DCAF11: variants seen among roughly 807,000 people sequenced by gnomAD.
The protein encoded by DCAF11 is DDB1- and CUL4-associated factor 11.
DCAF11 carries 44 observed loss-of-function variants against 76.1 expected under a neutral mutation model. The ratio of observed to expected loss-of-function variants is 0.58; its 90% CI spans 0.45 to 0.74. The LOEUF (loss-of-function observed/expected upper bound fraction) is 0.74. Ranked by LOEUF, DCAF11 falls within the 30% of genes least tolerant of loss-of-function variation. The pLI, the probability that DCAF11 is intolerant of heterozygous loss-of-function variation, is 0.00. For missense variants in DCAF11, 604 were observed against 709.4 expected (o/e 0.85, Z 1.69); for synonymous variants, 258 against 255.0 (o/e 1.01, Z -0.11).
At chr14:24,120,100 C>T (rs773016715) in intron 11 of DCAF11, among the ~76,000 whole-genome samples, 7 of 152,120 alleles carry the variant, frequency 4.6e-5, no homozygotes, top group Non-Finnish European at 7.4e-5. Context: ...CAGGGCTTTC[C>T]GTACAAGAAA....
intron 13 of DCAF11, among the ~76,000 whole-genome samples, chr14:24,122,691 C>T (rs543499568): frequency 6.6e-6 from 1 of 152,272 alleles, no homozygotes; most frequent in South Asian, 2.1e-4. Context: ...CCATATCTTA[C>T]TAAAATCTTC....
chr14:24,122,735 T>C (rs1261836264), intron 13 of DCAF11, among the ~76,000 whole-genome samples: 1 of 152,106 alleles, frequency 6.6e-6, no homozygotes, highest in Non-Finnish European at 1.5e-5. Context: ...GTAGCCCCTA[T>C]GAAATTTAGC....
intron 11 of DCAF11, 89 bp downstream of exon 11, chr14:24,119,985 C>G (rs966285576): frequency 2.8e-6 from 4 of 1,427,954 alleles, no homozygotes; most frequent in African/African-American, 2.9e-5. Flanking sequence ...GGGAATTTGA[C>G]AAGCTCCTTA....
chr14:24,117,056 A>G lies in DCAF11; in HGVS notation c.283+12A>G. The stretch of plus-strand genomic sequence containing the variant: ...ATACAACCCACCTGGTAAGAGGAAA[A>G]GCCCCTAATGTTGGAAGACTTTTAC... On this transcript the variant is annotated intron_variant, in intron 3 of 14. Coordinates refer to ENST00000446197, the MANE Select transcript of DCAF11 (RefSeq NM_025230.5). This position sits in a 1 kb window ranked among gnomAD's most constrained non-coding sequence, Gnocchi z 4.3. 2 of 1,614,208 alleles carry G rather than the reference A, an allele frequency of 1.2e-6. No homozygotes were observed. Among genetic ancestry groups the G allele is most frequent in the South Asian group, 2.2e-5 (2 of 91,072 alleles).
intron 5 of DCAF11, 33 bp from the exon 6 acceptor site, chr14:24,118,022 C>T: frequency 7.2e-7 from 1 of 1,389,958 alleles, no homozygotes; most frequent in Non-Finnish European, 1.0e-6. Flanking sequence ...ATCCTGAGCA[C>T]CCCTCACCCT....
chr14:24,115,443 C>T lies in DCAF11; in HGVS notation c.-152C>T. The stretch of plus-strand genomic sequence containing the variant: ...TTGGCATAGGCTAAAGAAAAGGGAT[C>T]TCAGCCCCGAGGAAGGGTCACCCTC... On this transcript the variant is annotated 5_prime_UTR_variant, in exon 2 of 15. Coordinates refer to ENST00000446197, the MANE Select transcript of DCAF11 (RefSeq NM_025230.5). 1 of 1,125,460 alleles carries T rather than the reference C, an allele frequency of 8.9e-7. No individual in the cohort carries two copies. The highest frequency in any genetic ancestry group is 2.6e-5 in the East Asian group (1 of 38,484). The allele number at this position is 1,125,460 out of a possible 1,614,324, so 69.7% of individuals were successfully genotyped here.
At chr14:24,121,311 A>G in intron 12 of DCAF11, 54 bp from the exon 13 acceptor site, 1 of 1,609,238 alleles carries the variant, frequency 6.2e-7, no homozygotes. Context: ...GGTGGTACGA[A>G]ACAATCCCAA....
intron 11 of DCAF11, among the ~76,000 whole-genome samples, chr14:24,120,580 A>C (rs1366795975): frequency 6.6e-6 from 1 of 152,218 alleles, no homozygotes; most frequent in Non-Finnish European, 1.5e-5. Context: ...TTAATTAAAA[A>C]TTAAAAAAAG....
chr14:24,115,062 T>C lies in DCAF11; in HGVS notation c.-445T>C. On this transcript the variant is annotated 5_prime_UTR_variant, in exon 1 of 15. Coordinates refer to ENST00000446197, the MANE Select transcript of DCAF11 (RefSeq NM_025230.5). Reference sequence around the variant, plus strand: ...GAAGGAGGGGTGTTAGGCCAAATTCTATTTTCATTGGCTGTCACTGCTGCC... The same window carrying C: ...GAAGGAGGGGTGTTAGGCCAAATTCCATTTTCATTGGCTGTCACTGCTGCC... The C allele has an allele frequency of 1.0e-6, 1 of 975,426 alleles. No homozygotes were observed. Among genetic ancestry groups the C allele is most frequent in the Non-Finnish European group, 1.2e-6 (1 of 820,408 alleles). The allele number at this position is 975,426 out of a possible 1,614,324, so 60.4% of individuals were successfully genotyped here. A position where few individuals can be genotyped will look rare whatever the true frequency, so the allele number is the denominator to read the frequency against.
At chr14:24,116,808 A>G in intron 2 of DCAF11, 109 bp from the exon 3 acceptor site, 5 of 1,516,160 alleles carry the variant, frequency 3.3e-6, no homozygotes, top group South Asian at 1.2e-5. Flanking sequence ...GTCAGCCTCA[A>G]ACCTCAAAAT....
Position 24,117,308 on chromosome 14 carries a change from T to C in DCAF11, c.326T>C (p.Ile109Thr). ...PDTRELEFNE[I>T]KTQVELATGQ... Reference sequence around the variant, plus strand: ...ACCCGGGAGCTGGAATTCAATGAGATCAAGACACAAGTGGAACTGGCCACA... The same window carrying C: ...ACCCGGGAGCTGGAATTCAATGAGACCAAGACACAAGTGGAACTGGCCACA... Residue 109 changes from isoleucine (I) to threonine (T), a missense_variant, in exon 4 of 15, where the codon ATC becomes ACC. Ile to Thr is a moderately conservative substitution (Grantham distance 89). Coordinates refer to ENST00000446197, the MANE Select transcript of DCAF11 (RefSeq NM_025230.5). The surrounding 1 kb of genome is among the most constrained non-coding windows in gnomAD (Gnocchi z 4.3). 6.2e-7 allele frequency: 1 copy of C among 1,614,128 alleles called. No individual in the cohort carries two copies. The highest frequency in any genetic ancestry group is 8.5e-7 in the Non-Finnish European group (1 of 1,180,024).
chr14:24,122,921 G>A (rs752390177), intron 13 of DCAF11, 50 bp from the exon 14 acceptor site: 3 of 1,559,020 alleles, frequency 1.9e-6, no homozygotes, highest in South Asian at 1.2e-5. Context: ...GTGAGGGATA[G>A]TTTAGATGTC....
At position 24,117,768 on chromosome 14, in the gene DCAF11, C is replaced by T; in HGVS notation, c.476+36C>T. 6.2e-7 allele frequency: 1 copy of T among 1,601,222 alleles called. No homozygotes were observed. Among genetic ancestry groups the T allele is most frequent in the East Asian group, 2.2e-5 (1 of 44,630 alleles). On this transcript the variant is annotated intron_variant, in intron 5 of 14. Transcript: ENST00000446197. The surrounding 1 kb of genome is among the most constrained non-coding windows in gnomAD (Gnocchi z 4.3). ...GGCTTGGTGAAGAGACTCTAAGGGC[C>T]AGATAGGTCTTATCTCCTAAACTTT... is the stretch of plus-strand genomic sequence containing the variant.
At chr14:24,119,531 G>C in intron 9 of DCAF11, 28 bp from the exon 10 acceptor site, 1 of 1,614,116 alleles carries the variant, frequency 6.2e-7, no homozygotes, top group Non-Finnish European at 8.5e-7. Context: ...CATGGCTCCA[G>C]GACCCTCCTT....
In DCAF11 at chr14:24,123,435, G is replaced by A. The variant is rs2037729745; in HGVS notation, c.*126G>A. On this transcript the variant is annotated 3_prime_UTR_variant, in exon 15 of 15. Coordinates refer to ENST00000446197, the MANE Select transcript of DCAF11 (RefSeq NM_025230.5). ...TTGATGGGGAATAACATAAGCCTGG[G>A]CTCTGAGCCTCAGCTGAGCCCTGGA... The A allele has an allele frequency of 2.2e-6, 3 of 1,388,742 alleles. No individual in the cohort carries two copies. The highest frequency in any genetic ancestry group is 1.9e-6 in the Non-Finnish European group (2 of 1,057,674). 86.0% of individuals were successfully genotyped at this position (1,388,742 alleles called of 1,614,324 possible). A position where few individuals can be genotyped will look rare whatever the true frequency, so the allele number is the denominator to read the frequency against.
rs368392183 is a variant in DCAF11, at chr14:24,123,281, C to G, written c.1613C>G (p.Ser538Cys). ...CASAPAPVPQSSTPFSSPQ is the reference protein window; with the variant it reads ...CASAPAPVPQCSTPFSSPQ The stretch of plus-strand genomic sequence containing the variant: ...AGCGCCCCTGCCCCAGTGCCCCAAT[C>G]CTCTACACCCTTTTCCTCACCCCAG... Residue 538 changes from serine (S) to cysteine (C), a missense_variant, in exon 15 of 15, where the codon TCC (serine) becomes TGC (cysteine). By Grantham distance (112) the Ser-to-Cys change is moderately radical (BLOSUM62 -1). Transcript: ENST00000446197. The G allele has an allele frequency of 1.9e-6, 3 of 1,543,920 alleles. No homozygotes were observed. The highest frequency in any genetic ancestry group is 1.7e-6 in the Non-Finnish European group (2 of 1,144,666).
chr14:24,121,590 T>G (rs747752852), intron 13 of DCAF11, 73 bp downstream of exon 13: 7 of 1,529,788 alleles, frequency 4.6e-6, no homozygotes, highest in Non-Finnish European at 6.2e-6. Context: ...CTATAACGAC[T>G]AGTGACCACC....
At position 24,117,460 on chromosome 14, in the gene DCAF11, A is replaced by G; in HGVS notation, c.411+67A>G. On this transcript the variant is annotated intron_variant, in intron 4 of 14. Transcript: ENST00000446197. The surrounding 1 kb of genome is among the most constrained non-coding windows in gnomAD (Gnocchi z 4.3). The stretch of plus-strand genomic sequence containing the variant: ...AGCAGCCAGAAGCTCTGCCAGCCCC[A>G]GAGAAAAAGGAAGTCAACTTTCCAA... 6.2e-7 allele frequency: 1 copy of G among 1,602,552 alleles called. No individual in the cohort carries two copies. The highest frequency in any genetic ancestry group is 8.5e-7 in the Non-Finnish European group (1 of 1,173,884).
Position 24,123,355 on chromosome 14 carries a change from C to T in DCAF11, c.*46C>T. On this transcript the variant is annotated 3_prime_UTR_variant, in exon 15 of 15. Coordinates refer to ENST00000446197, the MANE Select transcript of DCAF11 (RefSeq NM_025230.5). Reference sequence around the variant, plus strand: ...TAGGGTGAACCTCTTGATAAGCTCTCTGCCTCCTCCTCCCTTTCTCCCTTG... The same window carrying T: ...TAGGGTGAACCTCTTGATAAGCTCTTTGCCTCCTCCTCCCTTTCTCCCTTG... The T allele has an allele frequency of 2.7e-6, 4 of 1,502,240 alleles. No individual in the cohort carries two copies. Among genetic ancestry groups the T allele is most frequent in the Non-Finnish European group, 2.7e-6 (3 of 1,124,994 alleles). The allele number at this position is 1,502,240 out of a possible 1,614,324, so 93.1% of individuals were successfully genotyped here. A position where few individuals can be genotyped will look rare whatever the true frequency, so the allele number is the denominator to read the frequency against.
Sources: allele counts gnomAD v4.1 joint callset (sites outside exome capture counted in the v4.1 genomes callset), GRCh38; gene constraint gnomAD v4.1.1; non-coding constraint Gnocchi (gnomAD v3.1); transcripts MANE v1.5; gene names NCBI Gene and HGNC (gene_info 2026-07-23, HGNC 2026-07-21).